Variants in PSG3 observed in about 807,000 individuals in gnomAD.
PSG3 encodes the protein pregnancy specific beta-1-glycoprotein 3, also known as pregnancy-specific beta-1-glycoprotein 3.
Under a neutral mutation model 47.5 loss-of-function variants are expected in PSG3, and 61 were observed. That is an observed-to-expected ratio of 1.28 (90% CI 1.05 to 1.59). The LOEUF is 1.59. Ranked by LOEUF, PSG3 falls within the 40% of genes most tolerant of loss-of-function variation. PSG3 has a pLI of 0.00. For missense variants in PSG3, 756 were observed against 524.0 expected, an observed-to-expected ratio of 1.44 and a Z score of -4.32; for synonymous variants, 263 against 198.4, an observed-to-expected ratio of 1.33 and a Z score of -2.74.
At position 42,729,129 on chromosome 19, in the gene PSG3, C is replaced by T. The variant is rs868635689; in HGVS notation, c.1237G>A (p.Val413Ile). Residue 413 changes from valine to isoleucine, a missense_variant, in exon 5 of 7, where the codon GTC (valine) becomes ATC (isoleucine). Physicochemically the swap from Val to Ile is conservative, Grantham distance 29. Transcript: ENST00000327495. Reference sequence around the variant, plus strand: ...CATGCTGGGATCCACTTACCAGAGACTTTGACTGTCATGGATTTGGAGCTT... The same window carrying T: ...CATGCTGGGATCCACTTACCAGAGATTTTGACTGTCATGGATTTGGAGCTT... ...MESSKSMTVKVSAPSGTGHLP... is the reference protein window; with the variant it reads ...MESSKSMTVKISAPSGTGHLP... The T allele has an allele frequency of 6.2e-7, 1 of 1,613,994 alleles. No homozygotes were observed.
intron 2 of PSG3, chr19:42,734,233 A>G (rs944979025): frequency 1.3e-5 from 2 of 152,204 alleles, no homozygotes; most frequent in Non-Finnish European, 1.5e-5. Flanking sequence ...TTATTCAGAA[A>G]GCTTAAAACC....
At chr19:42,739,759 T>G (rs1453742566) in intron 1 of PSG3, among the ~76,000 whole-genome samples, 1 of 152,166 alleles carries the variant, frequency 6.6e-6, no homozygotes, top group Non-Finnish European at 1.5e-5. Flanking sequence ...TCATCTGATA[T>G]AGTTATTATT....
At chr19:42,729,726 C>T (rs529551249) in intron 4 of PSG3, 52 bp downstream of exon 4, 19 of 1,579,060 alleles carry the variant, frequency 1.2e-5, no homozygotes, top group East Asian at 8.9e-5. Context: ...GGCCTCTGGT[C>T]GTTTTGATTT....
chr19:42,724,055 T>G lies in PSG3; in HGVS notation c.1244-30A>C, dbSNP rs759531494. 4 of 1,591,480 alleles carry G rather than the reference T, an allele frequency of 2.5e-6. No homozygotes were observed. The South Asian group carries it at 4.4e-5, about 18-fold the overall frequency. On this transcript the variant is annotated intron_variant, in intron 5 of 6. Coordinates refer to ENST00000327495, the MANE Select transcript of PSG3 (RefSeq NM_021016.4). ...CATGGAAAAAAAAGAAAAGAAGGAA[T>G]GAAGATGATGTTATTTTACATGGGG...
At chr19:42,734,419 T>C (rs1417637831) in intron 2 of PSG3, among the ~76,000 whole-genome samples, 1 of 152,230 alleles carries the variant, frequency 6.6e-6, no homozygotes. Context: ...TGTGGATTTC[T>C]GGATTTCCGA....
At position 42,732,910 on chromosome 19, in the gene PSG3, A is replaced by G. The variant is rs397832563; in HGVS notation, c.583T>C (p.Leu195=). The G allele has an allele frequency of 6.2e-6, 10 of 1,613,994 alleles. No individual in the cohort carries two copies. Among genetic ancestry groups the G allele is most frequent in the African/African-American group, 5.3e-5 (4 of 74,912 alleles). The change falls in exon 3 of 7, where the codon TTG becomes CTG. Residue 195 remains leucine, a synonymous_variant. Coordinates refer to ENST00000327495, the MANE Select transcript of PSG3 (RefSeq NM_021016.4). The part of the protein sequence containing the change: ...QSLPMTHSLQ[L]SKNKRTLFLF... ...AAGAGGGTCCTTTTGTTTTTGGACA[A>G]CTGCAAGCTGTGAGTCATAGGGAGG...
At chr19:42,728,219 T>C (rs1568747627) in intron 5 of PSG3, among the ~76,000 whole-genome samples, 1 of 152,208 alleles carries the variant, frequency 6.6e-6, no homozygotes, top group South Asian at 2.1e-4. Context: ...CAACACTAAA[T>C]TGCACACTTA....
chr19:42,740,319 A>T lies in PSG3; in HGVS notation c.64+2T>A. ...TCCTCTCCCAGGAAGTTCTCTCCTC[A>T]CCTGTGAGCAGGAGCCCCTTCCAGG... is the stretch of plus-strand genomic sequence containing the variant. On this transcript the variant is annotated splice_donor_variant, in intron 1 of 6. Coordinates refer to ENST00000327495, the MANE Select transcript of PSG3 (RefSeq NM_021016.4). LOFTEE classifies it high-confidence loss of function. The T allele has an allele frequency of 6.2e-7, 1 of 1,613,686 alleles. No individual in the cohort carries two copies. Among genetic ancestry groups the T allele is most frequent in the East Asian group, 2.2e-5 (1 of 44,862 alleles).
chr19:42,739,238 G>A, intron 1 of PSG3, 149 bp from the exon 2 acceptor site: 1 of 1,287,508 alleles, frequency 7.8e-7, no homozygotes, highest in Non-Finnish European at 1.1e-6. Context: ...ACACAAAAGG[G>A]GCATGTGTAT....
Position 42,730,366 on chromosome 19 carries a change from G to C in PSG3, c.710-310C>G, listed in dbSNP as rs566482632. On this transcript the variant is annotated intron_variant, in intron 3 of 6. Coordinates refer to ENST00000327495, the MANE Select transcript of PSG3 (RefSeq NM_021016.4). Reference sequence around the variant, plus strand: ...CCTCCCAGTCCCTCCATAATCAGTTGACTGGCTGGCTCACCCTGGGTTCCT... The same window carrying C: ...CCTCCCAGTCCCTCCATAATCAGTTCACTGGCTGGCTCACCCTGGGTTCCT... 5.3e-5 allele frequency among the ~76,000 whole-genome samples: 8 copies of C among 152,270 alleles called. No individual in the cohort carries two copies. The South Asian group carries it at 1.7e-3, about 32-fold the overall frequency.
In PSG3 at chr19:42,728,017, C is replaced by A. The variant is rs191945700; in HGVS notation, c.1243+1106G>T. On this transcript the variant is annotated intron_variant, in intron 5 of 6. Coordinates refer to ENST00000327495, the MANE Select transcript of PSG3 (RefSeq NM_021016.4). ...ATTATGCTAACTGAAATAAGCCAGACACAAAAGGATAATTATTATATAATT... is the reference window on the plus strand; with the variant it reads ...ATTATGCTAACTGAAATAAGCCAGAAACAAAAGGATAATTATTATATAATT... Among the ~76,000 whole-genome samples the A allele has an allele frequency of 2.7e-3, 414 of 152,160 alleles. 1 individual carries two copies. Among genetic ancestry groups the A allele is most frequent in the Middle Eastern group, 0.014 (4 of 294 alleles).
rs761028412 is a variant in PSG3 at position 42,723,976 on chromosome 19, C to A, written c.*6G>T. 1 of 1,607,928 alleles carries A rather than the reference C, an allele frequency of 6.2e-7. No individual in the cohort carries two copies. The highest frequency in any genetic ancestry group is 1.7e-5 in the Admixed American group (1 of 60,008). ...TTCCTGAAATACAGAAATGACATCA[C>A]GGCTGCTATAATGGATTAAGGCCAG... On this transcript the variant is annotated 3_prime_UTR_variant, in exon 6 of 7. Transcript: ENST00000327495.
At chr19:42,728,056 A>T (rs1477059612) in intron 5 of PSG3, among the ~76,000 whole-genome samples, 2 of 152,328 alleles carry the variant, frequency 1.3e-5, no homozygotes, top group African/African-American at 2.4e-5. Flanking sequence ...TTTATAAAAG[A>T]TAGTTAGAAT....
chr19:42,723,896 G>C (rs1230390172), intron 6 of PSG3, 46 bp downstream of exon 6: 1 of 1,433,950 alleles, frequency 7.0e-7, no homozygotes, highest in East Asian at 2.3e-5. Flanking sequence ...CCCAAGCATG[G>C]CAGTTAGCCC....
intron 1 of PSG3, among the ~76,000 whole-genome samples, chr19:42,739,738 T>C (rs1359303851): frequency 6.6e-6 from 1 of 152,232 alleles, no homozygotes; most frequent in Non-Finnish European, 1.5e-5. Flanking sequence ...CTTATATTTT[T>C]ATTTGAAGTG....
chr19:42,733,920 A>C (rs1282543785), intron 2 of PSG3: 1 of 152,176 alleles, frequency 6.6e-6, no homozygotes, highest in East Asian at 1.9e-4. Flanking sequence ...CAGATGATGG[A>C]AGTCTGGCCC....
intron 4 of PSG3, 74 bp from the exon 5 acceptor site, chr19:42,729,451 A>T: frequency 6.4e-7 from 1 of 1,550,772 alleles, no homozygotes; most frequent in Non-Finnish European, 8.7e-7. Flanking sequence ...TTAAAGGGAC[A>T]CAGTGACCCT....
In PSG3 at chr19:42,737,173, G is replaced by A. The variant is rs111286687; in HGVS notation, c.430+1551C>T. Among the ~76,000 whole-genome samples the A allele has an allele frequency of 5.3e-5, 8 of 152,068 alleles. No homozygotes were observed. In the East Asian group the frequency reaches 7.7e-4, roughly 15 times the overall value. ...CTGAGAACCCTCCGGTGGCCAAAGA[G>A]CTTCAGAGTTACATGAGGTGGGGTT... is the stretch of plus-strand genomic sequence containing the variant. On this transcript the variant is annotated intron_variant, in intron 2 of 6. Transcript: ENST00000327495.
intron 1 of PSG3, among the ~76,000 whole-genome samples, chr19:42,739,814 A>T (rs149416112): frequency 6.6e-6 from 1 of 152,292 alleles, no homozygotes; most frequent in South Asian, 2.1e-4. Context: ...AATCAGGAAA[A>T]CAGAACACTT....
Sources: gnomAD v4.1 joint callset for allele counts (sites outside exome capture counted in the v4.1 genomes callset) on GRCh38, gnomAD v4.1.1 for gene constraint, MANE v1.5 for transcripts, NCBI Gene and HGNC (gene_info 2026-07-23, HGNC 2026-07-21) for gene names.